The following EIPR1 variants were observed in gnomAD, a reference collection of about 807,000 sequenced individuals.
EIPR1 encodes the protein EARP and GARP complex-interacting protein 1.
Under a neutral mutation model 48.1 loss-of-function variants are expected in EIPR1, and 25 were observed. The observed-to-expected ratio is 0.52, with a 90% CI of 0.38 to 0.73. The LOEUF (loss-of-function observed/expected upper bound fraction) is 0.73, where lower values mean the gene tolerates loss of function less well. Among genes scored for constraint, EIPR1 ranks in the 30% least tolerant of loss-of-function variants. The pLI is 0.00. For synonymous variants in EIPR1, 204 were observed against 201.9 expected, an observed-to-expected ratio of 1.01 and a Z score of -0.09; for missense variants, 415 against 506.2, an observed-to-expected ratio of 0.82 and a Z score of 1.73.
chr2:3,331,093 G>C (rs971018125), intron 3 of EIPR1, among the ~76,000 whole-genome samples: 3 of 137,934 alleles, frequency 2.2e-5, no homozygotes, highest in Non-Finnish European at 1.7e-5. Context: ...GAGATGGTGT[G>C]AGCAGAGGCA....
At chr2:3,208,682 C>T in intron 5 of EIPR1, 1 of 1,550,538 alleles carries the variant, frequency 6.4e-7, no homozygotes, top group Admixed American at 2.0e-5. Flanking sequence ...AACTCAACCC[C>T]AATTCCCCCA....
intron 3 of EIPR1, among the ~76,000 whole-genome samples, chr2:3,283,600 G>A (rs922291300): frequency 6.6e-6 from 1 of 152,260 alleles, no homozygotes; most frequent in Non-Finnish European, 1.5e-5. Context: ...GCCCAGACGG[G>A]CAGGAGAGCC....
rs1664642600 is a variant in EIPR1 at position 3,192,536 on chromosome 2, G to A, written c.867C>T (p.Leu289=). ...RYNHSHDQLV[L]TGSSDSRVIL... ...TGACTCTGCTGTCACTGCTGCCCGT[G>A]AGGACCAGCTGGTCATGAGAGTGGT... Residue 289 remains leucine, a synonymous_variant, in exon 8 of 9, where the codon CTC becomes CTT. Coordinates refer to ENST00000382125, the MANE Select transcript of EIPR1 (RefSeq NM_003310.5). The A allele has an allele frequency of 6.2e-7, 1 of 1,612,866 alleles. No homozygotes were observed. Among genetic ancestry groups the A allele is most frequent in the Admixed American group, 1.7e-5 (1 of 59,970 alleles).
intron 2 of EIPR1, among the ~76,000 whole-genome samples, chr2:3,350,745 T>A (rs1037749551): frequency 2.0e-5 from 3 of 152,098 alleles, no homozygotes; most frequent in African/African-American, 7.2e-5. Flanking sequence ...GCTTCATACC[T>A]ACCATACGGA....
At chr2:3,296,533 C>T (rs1053295456) in intron 3 of EIPR1, among the ~76,000 whole-genome samples, 1 of 148,594 alleles carries the variant, frequency 6.7e-6, no homozygotes, top group Non-Finnish European at 1.5e-5. Flanking sequence ...TACACACACA[C>T]CCTCCATCCA....
At chr2:3,293,083 G>A (rs752987426) in intron 3 of EIPR1, among the ~76,000 whole-genome samples, 6 of 152,214 alleles carry the variant, frequency 3.9e-5, no homozygotes, top group Non-Finnish European at 8.8e-5. Flanking sequence ...CAGCCTACGA[G>A]TCTTCCTCTG....
At chr2:3,372,305 C>T (rs1020269137) in intron 1 of EIPR1, among the ~76,000 whole-genome samples, 2 of 151,050 alleles carry the variant, frequency 1.3e-5, no homozygotes, top group Non-Finnish European at 2.9e-5. Context: ...TGACACCTAA[C>T]ATCACAATTA....
intron 5 of EIPR1, among the ~76,000 whole-genome samples, chr2:3,205,724 C>T (rs147647348): frequency 2.0e-5 from 3 of 152,320 alleles, no homozygotes; most frequent in East Asian, 1.9e-4. Flanking sequence ...AACGTGAATG[C>T]CCCGAGCTTG....
chr2:3,189,545 T>C lies in EIPR1; in HGVS notation c.990-37A>G. The stretch of plus-strand genomic sequence containing the variant: ...CAGAGGCAGACGTGAGCGCAGCAGC[T>C]CCGGCGGGGCGGGCAGGAGAGGGGC... On this transcript the variant is annotated intron_variant, in intron 8 of 8. Coordinates refer to ENST00000382125, the MANE Select transcript of EIPR1 (RefSeq NM_003310.5). This position sits in a 1 kb window ranked among gnomAD's most constrained non-coding sequence, Gnocchi z 4.6. The C allele has an allele frequency of 6.7e-7, 1 of 1,499,328 alleles. No homozygotes were observed. The highest frequency in any genetic ancestry group is 1.3e-5 in the South Asian group (1 of 78,122). 92.9% of individuals were successfully genotyped at this position (1,499,328 alleles called of 1,614,324 possible). A position where few individuals can be genotyped will look rare whatever the true frequency, so the allele number is the denominator to read the frequency against.
rs570181917 is a variant in EIPR1, at chr2:3,189,215, C to T, written c.*119G>A. On this transcript the variant is annotated 3_prime_UTR_variant, in exon 9 of 9. Transcript: ENST00000382125. The surrounding 1 kb of genome is among the most constrained non-coding windows in gnomAD (Gnocchi z 4.6). ...TGCTGCTGCTACAGGAAGGGAACAG[C>T]GGCTCTCCCAGAGAGGGATCCACCT... is the stretch of plus-strand genomic sequence containing the variant. 38 of 1,088,914 alleles carry T rather than the reference C, an allele frequency of 3.5e-5. No homozygotes were observed. The highest frequency in any genetic ancestry group is 1.6e-4 in the African/African-American group (10 of 63,096). 67.5% of individuals were successfully genotyped at this position (1,088,914 alleles called of 1,614,324 possible). A position where few individuals can be genotyped will look rare whatever the true frequency, so the allele number is the denominator to read the frequency against.
chr2:3,290,925 A>G (rs1197241671), intron 3 of EIPR1, among the ~76,000 whole-genome samples: 2 of 152,210 alleles, frequency 1.3e-5, no homozygotes, highest in Admixed American at 1.3e-4. Context: ...GTGGTGCTCC[A>G]GGCCAGGCCA....
chr2:3,216,936 C>G (rs1472307181), intron 4 of EIPR1, among the ~76,000 whole-genome samples: 1 of 152,226 alleles, frequency 6.6e-6, no homozygotes, highest in Non-Finnish European at 1.5e-5. Context: ...TTAAAGGCCT[C>G]TGAACAACTT....
rs1309820613 is a variant in EIPR1 at position 3,239,326 on chromosome 2, CAGA to C, written c.416+17970_416+17972del. On this transcript the variant is annotated intron_variant, in intron 4 of 8. Transcript: ENST00000382125. The stretch of plus-strand genomic sequence containing the variant: ...CCACAGGTACACACAGAAGGGAGAG[CAGA>C]TAAAAGCCGCCTTCACACAGGAAAT... Among the ~76,000 whole-genome samples the C allele has an allele frequency of 1.8e-4, 28 of 152,334 alleles. 1 individual carries two copies. Among genetic ancestry groups the C allele is most frequent in the Non-Finnish European group, 1.9e-4 (13 of 68,032 alleles).
intron 3 of EIPR1, among the ~76,000 whole-genome samples, chr2:3,326,698 G>C (rs1002659516): frequency 2.6e-5 from 4 of 152,142 alleles, no homozygotes; most frequent in Non-Finnish European, 5.9e-5. Context: ...AGTACCTAAG[G>C]ATGCAGACCC....
At chr2:3,211,997 G>A (rs1665473542) in intron 5 of EIPR1, among the ~76,000 whole-genome samples, 1 of 152,184 alleles carries the variant, frequency 6.6e-6, no homozygotes, top group South Asian at 2.1e-4. Flanking sequence ...ATTGCAAAAG[G>A]TAATGATGCA....
At chr2:3,361,671 A>G (rs1331180261) in intron 1 of EIPR1, among the ~76,000 whole-genome samples, 1 of 151,604 alleles carries the variant, frequency 6.6e-6, no homozygotes, top group South Asian at 2.1e-4. Flanking sequence ...CAACTGTCAG[A>G]CCCAACAGCC....
chr2:3,301,343 T>C (rs1357879840), intron 3 of EIPR1: 4 of 152,192 alleles, frequency 2.6e-5, no homozygotes, highest in Non-Finnish European at 4.4e-5. Context: ...CAAGGAGAAC[T>C]GGCCTTCACT....
intron 3 of EIPR1, among the ~76,000 whole-genome samples, chr2:3,314,856 G>GC (rs1427797389): frequency 3.3e-5 from 5 of 151,856 alleles, no homozygotes; most frequent in Admixed American, 6.6e-5. Flanking sequence ...CCTGAGTTGT[G>GC]CCCCACGGGC....
intron 3 of EIPR1, among the ~76,000 whole-genome samples, chr2:3,299,862 GCAC>G (rs1354525686): frequency 6.6e-6 from 1 of 152,078 alleles, no homozygotes; most frequent in Non-Finnish European, 1.5e-5. Flanking sequence ...CCCAGTCTCG[GCAC>G]CACCACTCAC....
Sources: gnomAD v4.1 joint callset for allele counts (sites outside exome capture counted in the v4.1 genomes callset) on GRCh38, gnomAD v4.1.1 for gene constraint, Gnocchi (gnomAD v3.1) non-coding constraint, MANE v1.5 for transcripts, NCBI Gene and HGNC (gene_info 2026-07-23, HGNC 2026-07-21) for gene names.